Variants in XKR4 observed in about 807,000 individuals in gnomAD.
XKR4 encodes the protein XK-related protein 4.
A neutral mutation model predicts 53.9 loss-of-function variants in XKR4; 12 were observed. The ratio of observed to expected loss-of-function variants is 0.22; its 90% CI spans 0.14 to 0.36. The LOEUF (loss-of-function observed/expected upper bound fraction) is 0.36, where lower values mean the gene tolerates loss of function less well. XKR4 is among the 10% of genes least tolerant of loss of function. The pLI is 1.00. For synonymous variants in XKR4, 354 were observed against 362.4 expected, an observed-to-expected ratio of 0.98 and a Z score of 0.26; for missense variants, 799 against 859.5, an observed-to-expected ratio of 0.93 and a Z score of 0.88.
chr8:55,449,508 C>T, intron 2 of XKR4: 1 of 1,401,994 alleles, frequency 7.1e-7, no homozygotes, highest in South Asian at 1.2e-5. Context: ...GGTCGGGAGG[C>T]TCAGGCGTCC....
rs755794817 is a variant in XKR4, at chr8:55,524,254, C to A, written c.*27C>A. 6.9e-6 allele frequency: 11 copies of A among 1,587,830 alleles called. No individual in the cohort carries two copies. The highest frequency in any genetic ancestry group is 9.4e-6 in the Non-Finnish European group (11 of 1,164,280). ...GCAAAAGGAGTTGCAGGACCCACAACATCCAGATGAAGGGGTGACAGCAGG... is the reference window on the plus strand; with the variant it reads ...GCAAAAGGAGTTGCAGGACCCACAAAATCCAGATGAAGGGGTGACAGCAGG... On this transcript the variant is annotated 3_prime_UTR_variant, in exon 3 of 3. Transcript: ENST00000327381.
chr8:55,237,944 A>T (rs1691730960), intron 1 of XKR4, among the ~76,000 whole-genome samples: 1 of 152,142 alleles, frequency 6.6e-6, no homozygotes, highest in Non-Finnish European at 1.5e-5. Flanking sequence ...AAAAAAAAGG[A>T]AGAGGGAAAG....
intron 2 of XKR4, among the ~76,000 whole-genome samples, chr8:55,504,950 C>T (rs2658940): frequency 6.6e-6 from 1 of 151,430 alleles, no homozygotes. Context: ...CTTTTTTTTT[C>T]TTAATCTAGC....
intron 2 of XKR4, among the ~76,000 whole-genome samples, chr8:55,409,617 G>A (rs899869962): frequency 6.6e-6 from 1 of 150,578 alleles, no homozygotes; most frequent in African/African-American, 2.4e-5. Flanking sequence ...TTAATTTTAC[G>A]TGAACTCTTA....
intron 2 of XKR4, among the ~76,000 whole-genome samples, chr8:55,458,520 C>G (rs1805603795): frequency 6.6e-6 from 1 of 152,214 alleles, no homozygotes; most frequent in East Asian, 1.9e-4. Flanking sequence ...TGCACCCACA[C>G]CTGGGACCTT....
At chr8:55,302,927 T>C (rs1366013912) in intron 1 of XKR4, among the ~76,000 whole-genome samples, 2 of 152,348 alleles carry the variant, frequency 1.3e-5, no homozygotes, top group East Asian at 3.9e-4. Flanking sequence ...AAATATACAA[T>C]CATGCCATCT....
chr8:55,183,915 A>G (rs1817344531), intron 1 of XKR4, among the ~76,000 whole-genome samples: 1 of 152,024 alleles, frequency 6.6e-6, no homozygotes, highest in Admixed American at 6.6e-5. Flanking sequence ...TTGAATCTCT[A>G]TTAGGTGTGT....
At chr8:55,189,388 T>A (rs1817416298) in intron 1 of XKR4, among the ~76,000 whole-genome samples, 1 of 152,152 alleles carries the variant, frequency 6.6e-6, no homozygotes, top group South Asian at 2.1e-4. Context: ...GGGGATACAT[T>A]CTGAGAAATG....
At position 55,523,299 on chromosome 8, in the gene XKR4, C is replaced by T. The variant is rs1806827035; in HGVS notation, c.1025C>T (p.Ser342Phe). ...TTTGTAGGTTTCACAGCGGCAGCTT[C>T]CCTCGTGTCCCTGGCCTGGGCCTTG... ...QALQGFTAAA[S>F]LVSLAWALAS... is the part of the protein sequence containing the mutation. Residue 342 changes from serine (S) to phenylalanine (F), a missense_variant, in exon 3 of 3, where the codon TCC becomes TTC. Around this residue, in one of 3 missense-constraint regions of XKR4, gnomAD observed 476 missense variants for 505.4 expected, o/e 0.94. Transcript: ENST00000327381. 3 of 1,604,032 alleles carry T rather than the reference C, an allele frequency of 1.9e-6. No individual in the cohort carries two copies. Among genetic ancestry groups the T allele is most frequent in the Non-Finnish European group, 2.6e-6 (3 of 1,174,956 alleles).
At chr8:55,398,379 T>C (rs1373523850) in intron 2 of XKR4, among the ~76,000 whole-genome samples, 2 of 152,144 alleles carry the variant, frequency 1.3e-5, no homozygotes, top group Admixed American at 1.3e-4. Flanking sequence ...TAGATATTGG[T>C]CCAGGGTTGT....
chr8:55,163,238 A>G (rs972129154), intron 1 of XKR4, among the ~76,000 whole-genome samples: 2 of 152,258 alleles, frequency 1.3e-5, no homozygotes, highest in African/African-American at 4.8e-5. Flanking sequence ...CCCTGGAAAG[A>G]GAAGGCTTTT....
At chr8:55,244,571 G>A (rs1818256707) in intron 1 of XKR4, among the ~76,000 whole-genome samples, 1 of 152,034 alleles carries the variant, frequency 6.6e-6, no homozygotes, top group Non-Finnish European at 1.5e-5. Flanking sequence ...ATATTCCTTT[G>A]CGTATATACC....
chr8:55,438,010 C>T (rs1273937893), intron 2 of XKR4, among the ~76,000 whole-genome samples: 5 of 150,220 alleles, frequency 3.3e-5, no homozygotes, highest in African/African-American at 1.2e-4. Flanking sequence ...CAGGCAGAAA[C>T]AAGATGAATA....
intron 2 of XKR4, among the ~76,000 whole-genome samples, chr8:55,520,113 G>GCCT (rs1290171497): frequency 2.0e-5 from 3 of 152,180 alleles, no homozygotes; most frequent in African/African-American, 7.2e-5. Flanking sequence ...GTCTGTCTTG[G>GCCT]CATTGGAAAA....
chr8:55,332,829 C>A (rs1393717626), intron 1 of XKR4, among the ~76,000 whole-genome samples: 1 of 150,630 alleles, frequency 6.6e-6, no homozygotes, highest in Non-Finnish European at 1.5e-5. Context: ...CTCTCTCTTT[C>A]ATTTTTTTTT....
At chr8:55,167,179 G>C (rs1817081516) in intron 1 of XKR4, among the ~76,000 whole-genome samples, 1 of 152,202 alleles carries the variant, frequency 6.6e-6, no homozygotes, top group Admixed American at 6.5e-5. Context: ...GAATTGAGTA[G>C]TTACTTAATG....
chr8:55,392,876 C>T (rs989125456), intron 2 of XKR4, among the ~76,000 whole-genome samples: 1 of 151,976 alleles, frequency 6.6e-6, no homozygotes, highest in African/African-American at 2.4e-5. Context: ...TTGGAATTAA[C>T]TAGGGTACCA....
chr8:55,507,040 T>C (rs1806541912), intron 2 of XKR4, among the ~76,000 whole-genome samples: 1 of 152,240 alleles, frequency 6.6e-6, no homozygotes, highest in Non-Finnish European at 1.5e-5. Flanking sequence ...GAGATATGTT[T>C]CTTTATGATT....
intron 2 of XKR4, among the ~76,000 whole-genome samples, chr8:55,503,503 A>G (rs991914444): frequency 6.6e-6 from 1 of 152,120 alleles, no homozygotes; most frequent in African/African-American, 2.4e-5. Context: ...TTGCAAATAT[A>G]TTCATGTTGT....
Sources: gnomAD v4.1 joint callset for allele counts (sites outside exome capture counted in the v4.1 genomes callset) on GRCh38, gnomAD v4.1.1 for gene constraint, gnomAD v4.1.1 regional missense constraint, MANE v1.5 for transcripts, NCBI Gene and HGNC (gene_info 2026-07-23, HGNC 2026-07-21) for gene names.